The following IL1RAP variants were observed in gnomAD, a reference collection of about 807,000 sequenced individuals.
IL1RAP encodes interleukin 1 receptor accessory protein.
In IL1RAP, 35 loss-of-function variants were observed where a neutral mutation model predicts 60.7. That is an observed-to-expected ratio of 0.58 (90% CI 0.44 to 0.76). The LOEUF (loss-of-function observed/expected upper bound fraction) is 0.76, where lower values mean the gene tolerates loss of function less well. Among genes scored for constraint, IL1RAP ranks in the 30% least tolerant of loss-of-function variants. IL1RAP has a pLI of 0.00. For synonymous variants in IL1RAP, 268 were observed against 250.9 expected (o/e 1.07, Z -0.64); for missense variants, 572 against 693.9 (o/e 0.82, Z 1.97).
chr3:190,554,906 T>C (rs2108601467), intron 1 of IL1RAP, among the ~76,000 whole-genome samples: 1 of 152,348 alleles, frequency 6.6e-6, no homozygotes, highest in South Asian at 2.1e-4. Context: ...TTTGATGCTG[T>C]AGATTCAGAA....
chr3:190,553,162 A>C (rs1389938468), intron 1 of IL1RAP, among the ~76,000 whole-genome samples: 1 of 152,196 alleles, frequency 6.6e-6, no homozygotes, highest in Non-Finnish European at 1.5e-5. Context: ...GTTACATGCC[A>C]CGCCCCCGAG....
In IL1RAP at chr3:190,638,421, G is replaced by A. The variant is rs569023263; in HGVS notation, c.1052-5827G>A. 2.6e-5 allele frequency among the ~76,000 whole-genome samples: 4 copies of A among 152,204 alleles called. No homozygotes were observed. In the East Asian group the frequency reaches 7.7e-4, roughly 29 times the overall value. ...TGGCCATCTGTATGTATTTTTTGAT[G>A]TGACTGTTCAAACATTTTGTTCATT... On this transcript the variant is annotated intron_variant, in intron 9 of 11. Coordinates refer to ENST00000447382, the MANE Select transcript of IL1RAP (RefSeq NM_002182.4).
At chr3:190,656,355 G>A, downstream of IL1RAP, 1 of 1,537,192 alleles carries the variant, frequency 6.5e-7, no homozygotes. Context: ...AGCACCGAGG[G>A]AAGTCCTCCG....
At chr3:190,625,303 A>T (rs1256319631) in intron 7 of IL1RAP, 1 of 152,180 alleles carries the variant, frequency 6.6e-6, no homozygotes, top group Admixed American at 6.5e-5. Context: ...TCATGCAGAA[A>T]AGCTGCATGG....
intron 3 of IL1RAP, among the ~76,000 whole-genome samples, chr3:190,566,042 C>T (rs1387542729): frequency 6.6e-6 from 1 of 151,674 alleles, no homozygotes; most frequent in African/African-American, 2.4e-5. Flanking sequence ...CCTGTCCTTC[C>T]TCCTTTTCTG....
chr3:190,642,564 C>G (rs1404378911), intron 9 of IL1RAP: 1 of 152,188 alleles, frequency 6.6e-6, no homozygotes, highest in East Asian at 1.9e-4. Context: ...CATTTAACAT[C>G]TACAATGTTC....
At chr3:190,565,643 G>A (rs1032352105) in intron 3 of IL1RAP, among the ~76,000 whole-genome samples, 5 of 152,196 alleles carry the variant, frequency 3.3e-5, no homozygotes, top group Admixed American at 6.5e-5. Context: ...GTAGATAACC[G>A]GAGATGTTAT....
chr3:190,646,950 C>A (rs1560243719), intron 11 of IL1RAP, among the ~76,000 whole-genome samples: 1 of 152,124 alleles, frequency 6.6e-6, no homozygotes, highest in Non-Finnish European at 1.5e-5. Context: ...CTTAATTTCC[C>A]CAGTCATTTA....
Position 190,604,245 on chromosome 3 carries a change from C to T in IL1RAP, c.182C>T (p.Ala61Val), listed in dbSNP as rs1730102015. ...TTCTTGAAATTCAACTACAGCACAG[C>T]CCATTCAGCTGGCCTTACTCTGATC... ...EHFLKFNYST[A>V]HSAGLTLIWY... The change falls in exon 4 of 12, where the codon GCC becomes GTC. Residue 61 changes from alanine (A) to valine (V), a missense_variant. By Grantham distance (64) the Ala-to-Val change is moderately conservative. Coordinates refer to ENST00000447382, the MANE Select transcript of IL1RAP (RefSeq NM_002182.4). 3.7e-6 allele frequency: 6 copies of T among 1,614,054 alleles called. No individual in the cohort carries two copies. The highest frequency in any genetic ancestry group is 5.1e-6 in the Non-Finnish European group (6 of 1,180,004).
At chr3:190,574,994 T>G (rs995362639) in intron 3 of IL1RAP, among the ~76,000 whole-genome samples, 3 of 82,454 alleles carry the variant, frequency 3.6e-5, no homozygotes, top group Admixed American at 1.1e-4. Context: ...GGGAAATGAG[T>G]TTTTTTTTAA....
At chr3:190,558,312 G>T (rs1384365966) in intron 2 of IL1RAP, among the ~76,000 whole-genome samples, 1 of 152,138 alleles carries the variant, frequency 6.6e-6, no homozygotes, top group African/African-American at 2.4e-5. Context: ...CCAAGAGTGA[G>T]ATTACTGGGT....
intron 1 of IL1RAP, among the ~76,000 whole-genome samples, chr3:190,524,296 C>T (rs1318428150): frequency 6.6e-6 from 1 of 152,098 alleles, no homozygotes; most frequent in Non-Finnish European, 1.5e-5. Context: ...TTCTCCCATT[C>T]TGTAGGTTTT....
chr3:190,606,113 T>A (rs1730303856), intron 4 of IL1RAP, among the ~76,000 whole-genome samples: 1 of 152,176 alleles, frequency 6.6e-6, no homozygotes, highest in Non-Finnish European at 1.5e-5. Flanking sequence ...CTGTAGCCTC[T>A]GAAGGTCCTT....
At chr3:190,621,450 A>G (rs1322635511) in intron 6 of IL1RAP, among the ~76,000 whole-genome samples, 1 of 152,242 alleles carries the variant, frequency 6.6e-6, no homozygotes, top group Non-Finnish European at 1.5e-5. Context: ...ACTAAATTTT[A>G]AAAGTCAAAT....
chr3:190,633,244 A>C (rs1732935991), intron 9 of IL1RAP, among the ~76,000 whole-genome samples: 1 of 152,150 alleles, frequency 6.6e-6, no homozygotes, highest in South Asian at 2.1e-4. Context: ...CCATTTATTT[A>C]GATCTTAACT....
chr3:190,554,088 AGAAAT>A, intron 1 of IL1RAP, among the ~76,000 whole-genome samples: 2 of 137,922 alleles, frequency 1.5e-5, no homozygotes, highest in African/African-American at 2.7e-5. Flanking sequence ...AAAAAAAAAA[AGAAAT>A]GAGAGGGAAA....
At chr3:190,638,237 T>C (rs755517759) in intron 9 of IL1RAP, among the ~76,000 whole-genome samples, 1 of 152,126 alleles carries the variant, frequency 6.6e-6, no homozygotes, top group African/African-American at 2.4e-5. Context: ...TATCATTCCA[T>C]ATTCCACCAT....
chr3:190,629,712 C>T, intron 9 of IL1RAP: 1 of 1,250,558 alleles, frequency 8.0e-7, no homozygotes, highest in Non-Finnish European at 1.0e-6. Flanking sequence ...TACCGTAATG[C>T]CCAAATGTAG....
At chr3:190,514,469 C>T (rs985324863) in intron 1 of IL1RAP, among the ~76,000 whole-genome samples, 6 of 152,174 alleles carry the variant, frequency 3.9e-5, no homozygotes, top group Non-Finnish European at 7.3e-5. Context: ...GACGTCTGCT[C>T]GTTGCCGCCC....
Sources: gnomAD v4.1 joint callset for allele counts (sites outside exome capture counted in the v4.1 genomes callset) on GRCh38, gnomAD v4.1.1 for gene constraint, MANE v1.5 for transcripts, NCBI Gene and HGNC (gene_info 2026-07-23, HGNC 2026-07-21) for gene names.